Variants in TEC observed in about 807,000 individuals in gnomAD.
TEC encodes the protein tyrosine-protein kinase Tec.
In TEC, 72 loss-of-function variants were observed where a neutral mutation model predicts 93.0. The observed-to-expected ratio is 0.77, with a 90% CI of 0.64 to 0.94. The LOEUF is 0.94. Among genes scored for constraint, TEC ranks in the 40% least tolerant of loss-of-function variants. TEC has a pLI of 0.00. For missense variants in TEC, 630 were observed against 757.9 expected, an observed-to-expected ratio of 0.83 and a Z score of 1.98; for synonymous variants, 249 against 247.7, an observed-to-expected ratio of 1.01 and a Z score of -0.05.
At chr4:48,206,769 C>T (rs1235182047) in intron 2 of TEC, among the ~76,000 whole-genome samples, 3 of 131,616 alleles carry the variant, frequency 2.3e-5, no homozygotes, top group Non-Finnish European at 4.7e-5. Context: ...AAGGAGACCT[C>T]GTTGCTACAA....
chr4:48,182,566 T>TGTGTGTGC (rs1721637695), intron 2 of TEC, among the ~76,000 whole-genome samples: 1 of 151,564 alleles, frequency 6.6e-6, no homozygotes, highest in Non-Finnish European at 1.5e-5. Flanking sequence ...TGTGTGTGTG[T>TGTGTGTGC]GTGTCCTCTC....
At chr4:48,163,408 G>A (rs1185964291) in intron 8 of TEC, among the ~76,000 whole-genome samples, 1 of 152,106 alleles carries the variant, frequency 6.6e-6, no homozygotes, top group Non-Finnish European at 1.5e-5. Flanking sequence ...GAATGGACAT[G>A]ATCTGTATTT....
At chr4:48,212,235 G>C (rs1236017746) in intron 2 of TEC, among the ~76,000 whole-genome samples, 2 of 151,636 alleles carry the variant, frequency 1.3e-5, no homozygotes, top group Non-Finnish European at 2.9e-5. Context: ...CCTCACAGGG[G>C]TACAGTGCGG....
intron 9 of TEC, 103 bp from the exon 10 acceptor site, chr4:48,151,045 C>A: frequency 1.3e-6 from 1 of 747,272 alleles, no homozygotes; most frequent in East Asian, 3.0e-5. Flanking sequence ...GATTATTATT[C>A]TTTCCCAGAA....
At chr4:48,237,695 T>A (rs1470719637) in intron 1 of TEC, among the ~76,000 whole-genome samples, 1 of 152,220 alleles carries the variant, frequency 6.6e-6, no homozygotes, top group Non-Finnish European at 1.5e-5. Flanking sequence ...ATTAGCAATA[T>A]TATATAATTC....
intron 2 of TEC, among the ~76,000 whole-genome samples, chr4:48,220,003 G>A (rs536408994): frequency 1.1e-4 from 17 of 151,870 alleles, no homozygotes; most frequent in African/African-American, 3.6e-4. Context: ...ATCAAGGTTC[G>A]AATTCTAATT....
intron 4 of TEC, 31 bp from the exon 5 acceptor site, chr4:48,170,407 G>A (rs753125680): frequency 5.5e-6 from 7 of 1,274,670 alleles, no homozygotes; most frequent in Non-Finnish European, 7.7e-6. Context: ...AATTAATAGT[G>A]AAATACAAAA....
chr4:48,167,680 T>TAGTC (rs1441949827), intron 7 of TEC, 98 bp downstream of exon 7: 3 of 1,111,130 alleles, frequency 2.7e-6, no homozygotes, highest in Non-Finnish European at 4.0e-6. Context: ...CTGGTGAAAT[T>TAGTC]AGTCTCATTA....
At chr4:48,143,097 G>T (rs143539311) in intron 14 of TEC, among the ~76,000 whole-genome samples, 2 of 152,268 alleles carry the variant, frequency 1.3e-5, no homozygotes, top group African/African-American at 4.8e-5. Flanking sequence ...TTCTTGCTGA[G>T]TGCATTTTAA....
chr4:48,260,747 T>A (rs1342012978), intron 1 of TEC, among the ~76,000 whole-genome samples: 1 of 152,236 alleles, frequency 6.6e-6, no homozygotes, highest in Non-Finnish European at 1.5e-5. Flanking sequence ...ACTACCTGTG[T>A]ATAAATAAAG....
chr4:48,200,709 G>A (rs1315423614), intron 2 of TEC, among the ~76,000 whole-genome samples: 1 of 152,226 alleles, frequency 6.6e-6, no homozygotes, highest in Non-Finnish European at 1.5e-5. Context: ...TGGAACATAA[G>A]GCAAAGCTGC....
chr4:48,156,434 GA>G (rs2109524955), intron 9 of TEC, among the ~76,000 whole-genome samples: 1 of 152,300 alleles, frequency 6.6e-6, no homozygotes, highest in East Asian at 1.9e-4. Flanking sequence ...CAGGTGTGGG[GA>G]TAACTGTCCT....
In TEC at chr4:48,182,535, CTGTGTGTGTG is replaced by C. The variant is rs60434609; in HGVS notation, c.139-6359_139-6350del. 1.4e-3 allele frequency among the ~76,000 whole-genome samples: 212 copies of C among 147,336 alleles called. 1 individual carries two copies. The highest frequency in any genetic ancestry group is 4.9e-3 in the African/African-American group (194 of 39,794). On this transcript the variant is annotated intron_variant, in intron 2 of 17. Coordinates refer to ENST00000381501, the MANE Select transcript of TEC (RefSeq NM_003215.3). ...TATGCAAAGGACCATGGGCAATACT[CTGTGTGTGTG>C]TGTGTGTGTGTGTGTGTGTGTGTGT...
intron 2 of TEC, among the ~76,000 whole-genome samples, chr4:48,207,618 C>CAAAA (rs34141042): frequency 2.0e-5 from 2 of 102,474 alleles, no homozygotes; most frequent in Non-Finnish European, 3.9e-5. Context: ...CATGTCTCTA[C>CAAAA]AAAAAAAAAA....
chr4:48,171,055 A>C (rs7668350), intron 4 of TEC, among the ~76,000 whole-genome samples: 57,690 of 152,072 alleles, frequency 0.38, 11,968 homozygotes, highest in East Asian at 0.9. Flanking sequence ...TGTCTCAAAA[A>C]AAAAACAAGA....
At chr4:48,197,101 T>C (rs67807921) in intron 2 of TEC, among the ~76,000 whole-genome samples, 14,425 of 152,310 alleles carry the variant, frequency 0.095, 744 homozygotes, top group South Asian at 0.16. Flanking sequence ...TGTCAGGCTG[T>C]CTTGACGGCT....
chr4:48,146,892 C>A (rs1021288125), intron 11 of TEC, among the ~76,000 whole-genome samples: 2 of 152,114 alleles, frequency 1.3e-5, no homozygotes, highest in African/African-American at 4.8e-5. Flanking sequence ...CCATAAACAC[C>A]CATAGCACTC....
chr4:48,208,696 C>A (rs1451284910), intron 2 of TEC, among the ~76,000 whole-genome samples: 1 of 152,168 alleles, frequency 6.6e-6, no homozygotes, highest in East Asian at 1.9e-4. Flanking sequence ...TGCGGCTTTA[C>A]TTTTCTCATG....
At chr4:48,267,457 G>A (rs1268899452) in intron 1 of TEC, among the ~76,000 whole-genome samples, 6 of 152,192 alleles carry the variant, frequency 3.9e-5, no homozygotes, top group Non-Finnish European at 7.3e-5. Context: ...CTTCTGGGTT[G>A]TTTCTTATTT....
Sources: gnomAD v4.1 joint callset for allele counts (sites outside exome capture counted in the v4.1 genomes callset) on GRCh38, gnomAD v4.1.1 for gene constraint, MANE v1.5 for transcripts, NCBI Gene and HGNC (gene_info 2026-07-23, HGNC 2026-07-21) for gene names.